ENTREP3: variants seen among roughly 807,000 people sequenced by gnomAD.
ENTREP3 encodes endosomal transmembrane epsin interactor 3.
chr1:155,251,853 G>A, the ENTREP3 span: 26 of 1,525,404 alleles, frequency 1.7e-5, no homozygotes, highest in Non-Finnish European at 1.1e-5. Context: ...TGGGGGCGGG[G>A]ACGTGCAGCC....
At chr1:155,250,259 T>G in the ENTREP3 span, 14 of 1,542,656 alleles carry the variant, frequency 9.1e-6, no homozygotes, top group African/African-American at 1.7e-4. The surrounding 1 kb of genome is among the most constrained non-coding windows in gnomAD (Gnocchi z 5.4). Flanking sequence ...GCCTGGGCAG[T>G]CGGGGAGGGG....
chr1:155,253,935 C>T, the ENTREP3 span: 12 of 1,612,758 alleles, frequency 7.4e-6, no homozygotes, highest in South Asian at 1.1e-5. Flanking sequence ...TGGACAGGGC[C>T]GGAGGAGGGG....
At chr1:155,251,762 A>G in the ENTREP3 span, 3 of 1,611,182 alleles carry the variant, frequency 1.9e-6, no homozygotes, top group East Asian at 4.5e-5. Context: ...AGCTGCAGGT[A>G]TACTCTGGGG....
the ENTREP3 span, chr1:155,254,268 C>T: frequency 6.7e-7 from 1 of 1,485,882 alleles, no homozygotes; most frequent in East Asian, 2.3e-5. The surrounding 1 kb of genome is among the most constrained non-coding windows in gnomAD (Gnocchi z 4.4). Context: ...GAGTCCCCCT[C>T]CTTCACAGAC....
the ENTREP3 span, chr1:155,247,889 T>C: frequency 6.4e-7 from 1 of 1,571,224 alleles, no homozygotes; most frequent in Non-Finnish European, 8.6e-7. Flanking sequence ...GAGCTAGAGC[T>C]CAGATCTCCG....
chr1:155,250,749 T>C, the ENTREP3 span: 1 of 1,612,598 alleles, frequency 6.2e-7, no homozygotes, highest in Non-Finnish European at 8.5e-7. The surrounding 1 kb of genome is among the most constrained non-coding windows in gnomAD (Gnocchi z 5.4). Flanking sequence ...CAGGCACGAG[T>C]CCTCCGACGG....
chr1:155,254,721 T>A, the ENTREP3 span: 3 of 1,613,264 alleles, frequency 1.9e-6, no homozygotes, highest in South Asian at 3.3e-5. The surrounding 1 kb of genome is among the most constrained non-coding windows in gnomAD (Gnocchi z 4.4). Flanking sequence ...GAGGCCACCA[T>A]GCTGAAGGTG....
chr1:155,250,505 G>T, the ENTREP3 span: 1 of 1,503,470 alleles, frequency 6.7e-7, no homozygotes. The surrounding 1 kb of genome is among the most constrained non-coding windows in gnomAD (Gnocchi z 5.4). Flanking sequence ...AGGGCGGCCA[G>T]CCCTCCAACC....
the ENTREP3 span, chr1:155,250,992 C>G: frequency 7.6e-7 from 1 of 1,317,278 alleles, no homozygotes; most frequent in Non-Finnish European, 1.1e-6. This position sits in a 1 kb window ranked among gnomAD's most constrained non-coding sequence, Gnocchi z 5.4. Flanking sequence ...CCTATGTCCC[C>G]AAACCACCAA....
At chr1:155,252,606 G>T in the ENTREP3 span, 3 of 144,548 alleles carry the variant, frequency 2.1e-5, no homozygotes, top group African/African-American at 7.8e-5. Flanking sequence ...CTGATATCTG[G>T]TGATCCTCCT....
chr1:155,248,418 G>A, the ENTREP3 span: 2 of 1,614,048 alleles, frequency 1.2e-6, no homozygotes, highest in Admixed American at 1.7e-5. Flanking sequence ...TATCTGCAGA[G>A]GAAACAGAAG....
the ENTREP3 span, chr1:155,253,958 GCA>G: frequency 2.5e-6 from 4 of 1,612,948 alleles, no homozygotes; most frequent in African/African-American, 5.3e-5. Flanking sequence ...CAGAGGGACA[GCA>G]CACACAGACC....
the ENTREP3 span, chr1:155,252,659 G>A: frequency 1.7e-5 from 2 of 119,632 alleles, no homozygotes; most frequent in South Asian, 2.8e-4. Context: ...CATGAGCCAC[G>A]GAGCCCAGCC....
the ENTREP3 span, chr1:155,247,482 C>T: frequency 1.5e-5 from 10 of 649,170 alleles, no homozygotes; most frequent in Non-Finnish European, 2.8e-5. Flanking sequence ...CCTTGCAAAT[C>T]AGAAAGAGCC....
At chr1:155,249,235 C>A in the ENTREP3 span, among the ~76,000 whole-genome samples, 3 of 151,590 alleles carry the variant, frequency 2.0e-5, no homozygotes, top group Admixed American at 2.0e-4. Context: ...GAATTACAGG[C>A]GCGCTCCACC....
At chr1:155,253,122 T>C in the ENTREP3 span, 1 of 153,594 alleles carries the variant, frequency 6.5e-6, no homozygotes, top group African/African-American at 2.4e-5. Context: ...TTAGCCAGGA[T>C]AGTCTCGATC....
chr1:155,248,322 A>T, the ENTREP3 span: 5 of 1,610,408 alleles, frequency 3.1e-6, no homozygotes, highest in African/African-American at 6.7e-5. Context: ...AGACAGAGAT[A>T]AGAGAATGGT....
At chr1:155,250,661 G>A in the ENTREP3 span, 1 of 1,612,200 alleles carries the variant, frequency 6.2e-7, no homozygotes, top group East Asian at 2.2e-5. This position sits in a 1 kb window ranked among gnomAD's most constrained non-coding sequence, Gnocchi z 5.4. Flanking sequence ...CCAGGCTGAG[G>A]CAGTAGCCGG....
chr1:155,252,097 C>A, the ENTREP3 span: 1 of 461,460 alleles, frequency 2.2e-6, no homozygotes, highest in Middle Eastern at 5.2e-4. Context: ...CTAGCTCTGG[C>A]CCTGCCCACC....
Sources: gnomAD v4.1 joint callset for allele counts (sites outside exome capture counted in the v4.1 genomes callset) on GRCh38, gnomAD v4.1.1 for gene constraint, Gnocchi (gnomAD v3.1) non-coding constraint, MANE v1.5 for transcripts, NCBI Gene and HGNC (gene_info 2026-07-23, HGNC 2026-07-21) for gene names.